The following TUNAR variants were observed in gnomAD, a reference collection of about 807,000 sequenced individuals.
The protein encoded by TUNAR is protein TUNAR.
chr14:95,887,375 G>A (rs959755427), intron 2 of TUNAR, among the ~76,000 whole-genome samples: 13 of 152,170 alleles, frequency 8.5e-5, no homozygotes, highest in African/African-American at 2.9e-4. Flanking sequence ...GGTCAGTCTG[G>A]CTGAGCTTTT....
chr14:95,893,529 C>T (rs1390433242), intron 2 of TUNAR, among the ~76,000 whole-genome samples: 1 of 152,144 alleles, frequency 6.6e-6, no homozygotes, highest in Non-Finnish European at 1.5e-5. Context: ...TACCTGGATG[C>T]TCCCTGAGAG....
intron 2 of TUNAR, among the ~76,000 whole-genome samples, chr14:95,901,127 G>A (rs188387778): frequency 1.3e-5 from 2 of 152,346 alleles, no homozygotes; most frequent in Admixed American, 1.3e-4. Flanking sequence ...TTCAGAAGGT[G>A]TGTGTTTAAC....
chr14:95,892,454 A>C lies in TUNAR; in HGVS notation c.12+15277A>C, dbSNP rs148116441. ...GGGGAGCCGGGCCACCTCCGGCTGGATGTGTCGCCTTCCTCAGGGCTCCTG... is the reference window on the plus strand; with the variant it reads ...GGGGAGCCGGGCCACCTCCGGCTGGCTGTGTCGCCTTCCTCAGGGCTCCTG... On this transcript the variant is annotated intron_variant, in intron 2 of 2. Coordinates refer to ENST00000678517, the Ensembl canonical transcript of TUNAR. 2.4e-4 allele frequency among the ~76,000 whole-genome samples: 37 copies of C among 152,318 alleles called. 1 individual carries two copies. The East Asian group carries it at 5.2e-3, about 21-fold the overall frequency.
chr14:95,890,073 G>A (rs888983148), intron 2 of TUNAR, among the ~76,000 whole-genome samples: 2 of 152,078 alleles, frequency 1.3e-5, no homozygotes, highest in Admixed American at 1.3e-4. Flanking sequence ...ATTCACAGGC[G>A]CAGTCACTGC....
chr14:95,913,662 C>A (rs2139669749), intron 2 of TUNAR, among the ~76,000 whole-genome samples: 1 of 152,302 alleles, frequency 6.6e-6, no homozygotes, highest in South Asian at 2.1e-4. Context: ...CAGGACCCAG[C>A]ATCTTGGATA....
At chr14:95,915,664 C>G (rs1014357039) in intron 2 of TUNAR, among the ~76,000 whole-genome samples, 1 of 152,260 alleles carries the variant, frequency 6.6e-6, no homozygotes, top group African/African-American at 2.4e-5. Context: ...CCTGAGTCCC[C>G]CTGCAGGGCT....
intron 2 of TUNAR, among the ~76,000 whole-genome samples, chr14:95,906,289 T>G (rs73338754): frequency 0.035 from 5,276 of 152,306 alleles, 293 homozygotes; most frequent in African/African-American, 0.12. Flanking sequence ...CACTAATCCA[T>G]GCGTGCACAC....
chr14:95,883,962 T>C (rs1566784648), intron 2 of TUNAR, among the ~76,000 whole-genome samples: 1 of 152,086 alleles, frequency 6.6e-6, no homozygotes, highest in Non-Finnish European at 1.5e-5. Context: ...ACAGTGGTGT[T>C]CAAGAAGCAC....
intron 2 of TUNAR, among the ~76,000 whole-genome samples, chr14:95,913,567 A>G (rs908773414): frequency 3.9e-5 from 6 of 152,128 alleles, no homozygotes; most frequent in African/African-American, 1.4e-4. Context: ...GACAAACTCC[A>G]TTTCTTAGAA....
intron 2 of TUNAR, among the ~76,000 whole-genome samples, chr14:95,921,975 CT>C (rs368398447): frequency 1.4e-4 from 21 of 152,258 alleles, no homozygotes; most frequent in African/African-American, 5.1e-4. Context: ...TGTTCATCTG[CT>C]CTCCTCTCGG....
At chr14:95,892,182 A>G (rs1889189783) in intron 2 of TUNAR, among the ~76,000 whole-genome samples, 1 of 152,186 alleles carries the variant, frequency 6.6e-6, no homozygotes, top group Non-Finnish European at 1.5e-5. Flanking sequence ...CTGGTGGACC[A>G]CACTCATACC....
At chr14:95,916,166 A>G (rs1889602229) in intron 2 of TUNAR, among the ~76,000 whole-genome samples, 1 of 152,250 alleles carries the variant, frequency 6.6e-6, no homozygotes, top group African/African-American at 2.4e-5. Context: ...GCAAGCGCTC[A>G]TGTACCCACC....
At chr14:95,910,268 A>C (rs2139667637) in intron 2 of TUNAR, among the ~76,000 whole-genome samples, 1 of 152,320 alleles carries the variant, frequency 6.6e-6, no homozygotes, top group East Asian at 1.9e-4. Context: ...TGTAATCCCA[A>C]CATTTGGTGG....
At chr14:95,894,138 T>C (rs1889222433) in intron 2 of TUNAR, among the ~76,000 whole-genome samples, 1 of 152,242 alleles carries the variant, frequency 6.6e-6, no homozygotes, top group Admixed American at 6.5e-5. Flanking sequence ...AGCGTCTGGC[T>C]TCGAGCACTG....
intron 2 of TUNAR, among the ~76,000 whole-genome samples, chr14:95,916,471 G>A (rs1354979368): frequency 6.6e-6 from 1 of 152,018 alleles, no homozygotes; most frequent in African/African-American, 2.4e-5. Flanking sequence ...TTTTTTCCTC[G>A]ACGCTGTGTG....
At chr14:95,914,772 C>T (rs1889575190) in intron 2 of TUNAR, among the ~76,000 whole-genome samples, 1 of 152,120 alleles carries the variant, frequency 6.6e-6, no homozygotes, top group South Asian at 2.1e-4. Flanking sequence ...TACTGTTATC[C>T]CTACTTTATA....
intron 2 of TUNAR, among the ~76,000 whole-genome samples, chr14:95,897,917 C>T (rs1889290911): frequency 6.6e-6 from 1 of 151,942 alleles, no homozygotes; most frequent in Non-Finnish European, 1.5e-5. Context: ...ACCGCCTGTT[C>T]CATTGAGCCT....
chr14:95,907,861 T>A (rs1417084605), intron 2 of TUNAR, among the ~76,000 whole-genome samples: 1 of 151,524 alleles, frequency 6.6e-6, no homozygotes, highest in Non-Finnish European at 1.5e-5. Flanking sequence ...GCAGAGAGGA[T>A]AGATCCTCTC....
chr14:95,910,794 C>T (rs1420731303), intron 2 of TUNAR, among the ~76,000 whole-genome samples: 1 of 152,158 alleles, frequency 6.6e-6, no homozygotes, highest in African/African-American at 2.4e-5. Context: ...TCTTGCCCAG[C>T]CCCTGACGAA....
Sources: gnomAD v4.1 joint callset for allele counts (sites outside exome capture counted in the v4.1 genomes callset) on GRCh38, gnomAD v4.1.1 for gene constraint, MANE v1.5 for transcripts, NCBI Gene and HGNC (gene_info 2026-07-23, HGNC 2026-07-21) for gene names.